C1GALT1: variants seen among roughly 807,000 people sequenced by gnomAD.
The protein encoded by C1GALT1 is core 1 synthase, glycoprotein-N-acetylgalactosamine 3-beta-galactosyltransferase 1, also known as glycoprotein-N-acetylgalactosamine 3-beta-galactosyltransferase 1.
Under a neutral mutation model 31.0 loss-of-function variants are expected in C1GALT1, and 11 were observed. The observed-to-expected ratio is 0.36, with a 90% CI of 0.22 to 0.59. The LOEUF is 0.59. Among genes scored for constraint, C1GALT1 ranks in the 20% least tolerant of loss-of-function variants. The pLI is 0.79. For missense variants in C1GALT1, 424 were observed against 425.2 expected (o/e 1.00, Z 0.03); for synonymous variants, 175 against 143.6 (o/e 1.22, Z -1.56).
intron 1 of C1GALT1, among the ~76,000 whole-genome samples, chr7:7,227,547 C>T (rs7790404): frequency 0.43 from 64,381 of 151,402 alleles, 14,475 homozygotes; most frequent in African/African-American, 0.56. Context: ...GGTGAAACCC[C>T]GTCTCTACTA....
At chr7:7,218,978 C>T (rs928634617) in intron 1 of C1GALT1, among the ~76,000 whole-genome samples, 19 of 152,022 alleles carry the variant, frequency 1.2e-4, no homozygotes, top group South Asian at 8.3e-4. Context: ...GGACTACAGG[C>T]GCCCGCCACC....
chr7:7,174,685 G>A (rs913847745), intron 2 of C1GALT1, among the ~76,000 whole-genome samples: 1 of 151,918 alleles, frequency 6.6e-6, no homozygotes, highest in Non-Finnish European at 1.5e-5. Flanking sequence ...AATTTCAGTG[G>A]TCTTATCTTC....
chr7:7,196,260 G>T (rs1583759877), intron 1 of C1GALT1, among the ~76,000 whole-genome samples: 1 of 133,560 alleles, frequency 7.5e-6, no homozygotes, highest in Admixed American at 9.2e-5. Flanking sequence ...TCCCCACCCT[G>T]TGTCCACGTG....
chr7:7,230,739 A>T (rs1313554897), intron 1 of C1GALT1, among the ~76,000 whole-genome samples: 1 of 147,990 alleles, frequency 6.8e-6, no homozygotes, highest in African/African-American at 2.5e-5. Context: ...TATATTAGAC[A>T]TCCTTGGTCT....
chr7:7,216,004 C>G (rs534403618), intron 1 of C1GALT1, among the ~76,000 whole-genome samples: 36 of 151,870 alleles, frequency 2.4e-4, no homozygotes, highest in Middle Eastern at 6.8e-3. Flanking sequence ...TTTTGGGGAA[C>G]TATTTTCCCT....
At chr7:7,183,688 C>A in intron 1 of C1GALT1, 1 of 758,562 alleles carries the variant, frequency 1.3e-6, no homozygotes, top group Non-Finnish European at 1.6e-6. Context: ...CACCACCCCG[C>A]ATTTAAAGCA....
intron 1 of C1GALT1, among the ~76,000 whole-genome samples, chr7:7,193,798 C>T (rs2128232882): frequency 6.6e-6 from 1 of 152,152 alleles, no homozygotes; most frequent in East Asian, 1.9e-4. Context: ...TTGATTCTAC[C>T]CATCCATGAG....
intron 1 of C1GALT1, among the ~76,000 whole-genome samples, chr7:7,190,844 A>G (rs1562563080): frequency 6.6e-6 from 1 of 152,106 alleles, no homozygotes; most frequent in Non-Finnish European, 1.5e-5. Flanking sequence ...AAGTTTTAGA[A>G]TACTTTTTGC....
intron 1 of C1GALT1, among the ~76,000 whole-genome samples, chr7:7,210,028 G>A (rs953206404): frequency 2.0e-5 from 3 of 152,132 alleles, no homozygotes; most frequent in African/African-American, 7.2e-5. Context: ...AATGTCATCA[G>A]TTAAGGGAGG....
intron 1 of C1GALT1, among the ~76,000 whole-genome samples, chr7:7,216,209 AAAG>A (rs2128240538): frequency 6.6e-6 from 1 of 152,324 alleles, no homozygotes; most frequent in South Asian, 2.1e-4. Flanking sequence ...CCATTTAGAA[AAAG>A]AAGCGAGAAT....
At chr7:7,174,299 T>C (rs1321743710) in intron 2 of C1GALT1, among the ~76,000 whole-genome samples, 1 of 152,256 alleles carries the variant, frequency 6.6e-6, no homozygotes. Context: ...TTTCAAGTTC[T>C]GGCAATTATT....
At chr7:7,234,658 C>A (rs1363378542) in intron 2 of C1GALT1, 119 bp downstream of exon 2, 27 of 714,810 alleles carry the variant, frequency 3.8e-5, no homozygotes, top group South Asian at 1.5e-4. Context: ...AAAAATAATT[C>A]TTGGTTTGCC....
chr7:7,225,927 G>A (rs1013725190), intron 1 of C1GALT1, among the ~76,000 whole-genome samples: 13 of 152,162 alleles, frequency 8.5e-5, no homozygotes, highest in Non-Finnish European at 1.3e-4. Flanking sequence ...CTATAGGTGC[G>A]AGAGTGGTGT....
intron 2 of C1GALT1, among the ~76,000 whole-genome samples, chr7:7,160,282 T>A (rs569577638): frequency 2.9e-4 from 44 of 152,268 alleles, no homozygotes; most frequent in African/African-American, 9.4e-4. Context: ...ATCTTTTTGG[T>A]CTTCAACTGT....
chr7:7,188,448 A>G (rs1055253025), intron 1 of C1GALT1, among the ~76,000 whole-genome samples: 1 of 152,174 alleles, frequency 6.6e-6, no homozygotes, highest in Non-Finnish European at 1.5e-5. Flanking sequence ...ATTTTGTTTG[A>G]CAAGTGTGGA....
intron 2 of C1GALT1, among the ~76,000 whole-genome samples, chr7:7,171,168 C>T (rs1447652440): frequency 2.0e-5 from 3 of 152,042 alleles, no homozygotes; most frequent in Non-Finnish European, 4.4e-5. Context: ...TATCTTCTGT[C>T]TAGATATTCT....
chr7:7,179,119 T>G (rs1303717805), upstream of C1GALT1, among the ~76,000 whole-genome samples: 1 of 152,214 alleles, frequency 6.6e-6, no homozygotes, highest in Non-Finnish European at 1.5e-5. Flanking sequence ...CATGTGAGCC[T>G]CCTTATAAGT....
rs569975038 is a variant in C1GALT1, at chr7:7,163,923, A to T, written c.-18+6497A>T. Among the ~76,000 whole-genome samples the T allele has an allele frequency of 1.5e-3, 233 of 152,042 alleles. 2 individuals carry two copies. Among genetic ancestry groups the T allele is most frequent in the Middle Eastern group, 0.01 (3 of 294 alleles). The stretch of plus-strand genomic sequence containing the variant: ...AATTTATAGATTCAATGCCATCCCC[A>T]TCAAGCTACCAATGACTTTCTTCAC... On this transcript the variant is annotated intron_variant, in intron 2 of 3. Coordinates refer to the C1GALT1 transcript ENST00000429911.
chr7:7,181,824 C>T (rs1780594988), upstream of C1GALT1, among the ~76,000 whole-genome samples: 2 of 152,112 alleles, frequency 1.3e-5, no homozygotes, highest in African/African-American at 4.8e-5. Flanking sequence ...TAAACCTTAC[C>T]CTCACCTCAT....
Sources: gnomAD v4.1 joint callset for allele counts (sites outside exome capture counted in the v4.1 genomes callset) on GRCh38, gnomAD v4.1.1 for gene constraint, MANE v1.5 for transcripts, NCBI Gene and HGNC (gene_info 2026-07-23, HGNC 2026-07-21) for gene names.